Variants in GLRB observed in about 807,000 individuals in gnomAD.
GLRB encodes the protein glycine receptor beta.
In GLRB, 33 loss-of-function variants were observed where a neutral mutation model predicts 54.2. The ratio of observed to expected loss-of-function variants is 0.61; its 90% CI spans 0.46 to 0.81. The LOEUF (loss-of-function observed/expected upper bound fraction) is 0.81. Among genes scored for constraint, GLRB ranks in the 40% least tolerant of loss-of-function variants. The probability of loss-of-function intolerance (pLI) is 0.00; values close to 1 mark genes in which losing one functional copy is unlikely to be tolerated. For synonymous variants in GLRB, 209 were observed against 208.2 expected (o/e 1.00, Z -0.03); for missense variants, 572 against 584.6 (o/e 0.98, Z 0.22).
At chr4:157,103,728 T>G (rs762024390) in intron 2 of GLRB, among the ~76,000 whole-genome samples, 21 of 152,170 alleles carry the variant, frequency 1.4e-4, no homozygotes, top group Non-Finnish European at 3.1e-4. Context: ...CATTGGTGTT[T>G]TATAGTTTTC....
rs79958602 is a variant in GLRB at position 157,122,904 on chromosome 4, T to A, written c.297+507T>A. On this transcript the variant is annotated intron_variant, in intron 4 of 9. Transcript: ENST00000264428. ...GGGCAATGTGAACGCCTTGAAAAGA[T>A]GGTGCAGCAAGATGAAAGGGCCGGG... 2.2e-4 allele frequency among the ~76,000 whole-genome samples: 33 copies of A among 151,682 alleles called. No individual in the cohort carries two copies. In the East Asian group the frequency reaches 6.2e-3, roughly 29 times the overall value.
intron 7 of GLRB, among the ~76,000 whole-genome samples, chr4:157,142,299 G>C (rs531963920): frequency 6.6e-6 from 1 of 152,074 alleles, no homozygotes; most frequent in African/African-American, 2.4e-5. Flanking sequence ...TTGATATATT[G>C]CCTAATTTTA....
At chr4:157,162,867 A>C (rs1431367672) in intron 9 of GLRB, among the ~76,000 whole-genome samples, 1 of 152,218 alleles carries the variant, frequency 6.6e-6, no homozygotes, top group Non-Finnish European at 1.5e-5. Context: ...CAAAGCTGTC[A>C]GACAGGGACA....
At chr4:157,150,161 G>A (rs1307135412) in intron 8 of GLRB, among the ~76,000 whole-genome samples, 4 of 151,958 alleles carry the variant, frequency 2.6e-5, no homozygotes, top group African/African-American at 9.7e-5. Flanking sequence ...TAGCTTATTT[G>A]ATATATGCTA....
chr4:157,125,744 G>A (rs895423157), intron 4 of GLRB, among the ~76,000 whole-genome samples: 1 of 151,638 alleles, frequency 6.6e-6, no homozygotes, highest in African/African-American at 2.4e-5. Flanking sequence ...GACCAGCCTG[G>A]CCGACACTGT....
chr4:157,087,157 C>A (rs1008185634), intron 2 of GLRB, among the ~76,000 whole-genome samples: 2 of 152,116 alleles, frequency 1.3e-5, no homozygotes, highest in African/African-American at 4.8e-5. Flanking sequence ...ATGATATAGA[C>A]AAATCCTAAA....
intron 2 of GLRB, among the ~76,000 whole-genome samples, chr4:157,106,174 G>A (rs1579202596): frequency 6.6e-6 from 1 of 152,110 alleles, no homozygotes; most frequent in East Asian, 1.9e-4. Context: ...TCTTGGGTGA[G>A]TTTCTTTTCT....
At chr4:157,162,710 G>T (rs1319919323) in intron 9 of GLRB, among the ~76,000 whole-genome samples, 1 of 152,136 alleles carries the variant, frequency 6.6e-6, no homozygotes, top group Non-Finnish European at 1.5e-5. Flanking sequence ...TCGTCTCAGT[G>T]GGGCACCCGG....
At chr4:157,122,461 A>G (rs1401976722) in intron 4 of GLRB, 64 bp downstream of exon 4, 1 of 650,794 alleles carries the variant, frequency 1.5e-6, no homozygotes, top group Non-Finnish European at 2.8e-6. Flanking sequence ...TGAAAGTAAC[A>G]TTAAAATTGA....
rs185435485 is a variant in GLRB, at chr4:157,127,752, G to A, written c.297+5355G>A. ...GGACCATGACTTAAGGAATGCAGGT[G>A]ACCTCTAGGAGCTGAAGAAGCCAAA... On this transcript the variant is annotated intron_variant, in intron 4 of 9. Transcript: ENST00000264428. 4.6e-5 allele frequency among the ~76,000 whole-genome samples: 7 copies of A among 151,912 alleles called. No homozygotes were observed. The East Asian group carries it at 1.2e-3, about 25-fold the overall frequency.
intron 9 of GLRB, among the ~76,000 whole-genome samples, chr4:157,155,611 A>C: frequency 6.6e-6 from 1 of 152,066 alleles, no homozygotes; most frequent in South Asian, 2.1e-4. Context: ...TATTGTGTTC[A>C]CTTCCTTCTG....
intron 4 of GLRB, among the ~76,000 whole-genome samples, chr4:157,131,146 T>G (rs2126554106): frequency 6.6e-6 from 1 of 151,896 alleles, no homozygotes; most frequent in East Asian, 1.9e-4. Flanking sequence ...TACATTGTCC[T>G]GGAGAATCAC....
intron 4 of GLRB, among the ~76,000 whole-genome samples, chr4:157,131,344 T>C (rs1377879014): frequency 6.6e-6 from 1 of 151,796 alleles, no homozygotes; most frequent in Non-Finnish European, 1.5e-5. Context: ...ATTGTAGCTT[T>C]ATTCATAATT....
chr4:157,101,039 G>T (rs189068426), intron 2 of GLRB, among the ~76,000 whole-genome samples: 9 of 152,100 alleles, frequency 5.9e-5, no homozygotes, highest in Admixed American at 5.9e-4. Flanking sequence ...TCTACATGTG[G>T]CAGTCTTCAG....
intron 2 of GLRB, among the ~76,000 whole-genome samples, chr4:157,088,180 T>C (rs905160965): frequency 1.3e-5 from 2 of 152,166 alleles, no homozygotes; most frequent in Non-Finnish European, 2.9e-5. Flanking sequence ...AGTTTACTGC[T>C]CCTGGGCTGA....
Position 157,163,375 on chromosome 4 carries a change from A to G in GLRB, c.1198-7057A>G, listed in dbSNP as rs557774001. On this transcript the variant is annotated intron_variant, in intron 9 of 9. Coordinates refer to ENST00000264428, the MANE Select transcript of GLRB (RefSeq NM_000824.5). ...AACCCGGTACCTCAGTTGGAAATGC[A>G]GAAATCACCCATCTTCTGCATCACT... Among the ~76,000 whole-genome samples, 33 of 152,266 alleles carry G rather than the reference A, an allele frequency of 2.2e-4. 1 individual carries two copies. In the South Asian group the frequency reaches 6.4e-3, roughly 30 times the overall value.
chr4:157,146,170 C>T (rs1374275138), intron 8 of GLRB, among the ~76,000 whole-genome samples: 1 of 152,100 alleles, frequency 6.6e-6, no homozygotes, highest in South Asian at 2.1e-4. Context: ...GCACCCACCA[C>T]CATGCCCAGC....
At chr4:157,110,084 G>A (rs1310539345) in intron 2 of GLRB, among the ~76,000 whole-genome samples, 1 of 151,896 alleles carries the variant, frequency 6.6e-6, no homozygotes, top group Non-Finnish European at 1.5e-5. Context: ...GTTGCGGGGT[G>A]GGAATAAGGC....
At chr4:157,115,942 A>G (rs919531787) in intron 2 of GLRB, among the ~76,000 whole-genome samples, 1 of 151,820 alleles carries the variant, frequency 6.6e-6, no homozygotes. Context: ...GAGAAATAAA[A>G]CAATTCCTTT....
Sources: gnomAD v4.1 joint callset for allele counts (sites outside exome capture counted in the v4.1 genomes callset) on GRCh38, gnomAD v4.1.1 for gene constraint, MANE v1.5 for transcripts, NCBI Gene and HGNC (gene_info 2026-07-23, HGNC 2026-07-21) for gene names.